The following PER3 variants were observed in gnomAD, a reference collection of about 807,000 sequenced individuals.
The protein encoded by PER3 is period circadian regulator 3, also known as period circadian protein homolog 3.
A neutral mutation model predicts 127.2 loss-of-function variants in PER3; 107 were observed. The ratio of observed to expected loss-of-function variants is 0.84; its 90% CI spans 0.72 to 0.99. PER3 has a LOEUF of 0.99. Among genes scored for constraint, PER3 ranks in the 50% least tolerant of loss-of-function variants. PER3 has a pLI of 0.00. For missense variants in PER3, 1,560 were observed against 1,525.8 expected (o/e 1.02, Z -0.37); for synonymous variants, 618 against 585.8 (o/e 1.05, Z -0.79).
chr1:7,809,857 C>A (rs1451449808), intron 11 of PER3, 36 bp from the exon 12 acceptor site: 2 of 1,603,706 alleles, frequency 1.2e-6, no homozygotes, highest in South Asian at 1.1e-5. Context: ...TTTGAACAGC[C>A]AGCAATTCTG....
At chr1:7,785,792 T>C (rs959195558) in intron 3 of PER3, among the ~76,000 whole-genome samples, 2 of 152,238 alleles carry the variant, frequency 1.3e-5, no homozygotes, top group African/African-American at 4.8e-5. Flanking sequence ...TGTATAATAG[T>C]GTATAATACC....
In PER3 at chr1:7,816,554, TA is replaced by T. The variant is rs761935509; in HGVS notation, c.1523-2728del. Among the ~76,000 whole-genome samples the T allele has an allele frequency of 9.5e-4, 145 of 152,220 alleles. 1 individual carries two copies. The highest frequency in any genetic ancestry group is 4.3e-3 in the Admixed American group (66 of 15,286). On this transcript the variant is annotated intron_variant, in intron 13 of 21. Coordinates refer to ENST00000377532, the MANE Select transcript of PER3 (RefSeq NM_001377275.1). ...GAAACATTTTTCCAAAGAAGATACA[TA>T]AACAGTAAATAGCATATGAAAAGAT... is the stretch of plus-strand genomic sequence containing the variant.
At chr1:7,793,451 A>C (rs1355710706) in intron 5 of PER3, among the ~76,000 whole-genome samples, 4 of 152,244 alleles carry the variant, frequency 2.6e-5, no homozygotes. Flanking sequence ...CAATAAAGTC[A>C]TAAAACGATT....
Position 7,842,800 on chromosome 1 carries a change from C to G in PER3, c.*45C>G. 1 of 1,557,450 alleles carries G rather than the reference C, an allele frequency of 6.4e-7. No homozygotes were observed. The highest frequency in any genetic ancestry group is 8.8e-7 in the Non-Finnish European group (1 of 1,135,522). On this transcript the variant is annotated 3_prime_UTR_variant, in exon 22 of 22. Transcript: ENST00000377532. ...TTCATACCCTTTCCAAGACGTGTTACACAGACAGACCTTTTTAAGTCCTGG... is the reference window on the plus strand; with the variant it reads ...TTCATACCCTTTCCAAGACGTGTTAGACAGACAGACCTTTTTAAGTCCTGG...
intron 5 of PER3, among the ~76,000 whole-genome samples, chr1:7,792,689 C>T (rs539234473): frequency 6.6e-6 from 1 of 152,346 alleles, no homozygotes; most frequent in South Asian, 2.1e-4. Flanking sequence ...GCAATCCACT[C>T]AGCTGTTGTC....
chr1:7,835,909 C>G lies in PER3; in HGVS notation c.3362C>G (p.Pro1121Arg). ...ATCTGGAGAATGATACGGCAGACAC[C>G]TGAGCGCATTCTCATGACATACCAG... ...EPIWRMIRQT[P>R]ERILMTYQVP... Residue 1121 changes from proline to arginine, a missense_variant, in exon 20 of 22, where the codon CCT becomes CGT. By Grantham distance (103) the Pro-to-Arg change is moderately radical. Coordinates refer to ENST00000377532, the MANE Select transcript of PER3 (RefSeq NM_001377275.1). The G allele has an allele frequency of 1.9e-6, 3 of 1,611,344 alleles. No homozygotes were observed. The highest frequency in any genetic ancestry group is 2.5e-6 in the Non-Finnish European group (3 of 1,177,474).
intron 19 of PER3, 127 bp downstream of exon 19, chr1:7,830,288 CT>C: frequency 1.2e-6 from 1 of 808,588 alleles, no homozygotes; most frequent in Non-Finnish European, 1.9e-6. Context: ...TCCCTTTTTC[CT>C]TTTTGTCAGG....
At chr1:7,795,669 A>T (rs566694096) in intron 6 of PER3, among the ~76,000 whole-genome samples, 2 of 152,380 alleles carry the variant, frequency 1.3e-5, no homozygotes, top group South Asian at 4.1e-4. Flanking sequence ...GGATGGAAGA[A>T]GACGGGAAAG....
At chr1:7,828,404 A>G (rs1193414373) in intron 18 of PER3, among the ~76,000 whole-genome samples, 1 of 152,192 alleles carries the variant, frequency 6.6e-6, no homozygotes, top group Non-Finnish European at 1.5e-5. Flanking sequence ...CTAAAAAGCC[A>G]TTCTCAGGTT....
At chr1:7,804,936 G>A (rs566214629) in intron 10 of PER3, among the ~76,000 whole-genome samples, 6 of 150,254 alleles carry the variant, frequency 4.0e-5, no homozygotes, top group Non-Finnish European at 7.4e-5. Context: ...TGGCCTGATC[G>A]CGGCTCACTG....
chr1:7,826,623 A>G lies in PER3; in HGVS notation c.2101A>G (p.Lys701Glu). 2 of 1,613,672 alleles carry G rather than the reference A, an allele frequency of 1.2e-6. No homozygotes were observed. Among genetic ancestry groups the G allele is most frequent in the Non-Finnish European group, 8.5e-7 (1 of 1,179,590 alleles). ...TQKEEQNYVD[K>E]FREKILSSPY... ...GAAGGAAGAGCAGAATTATGTTGAT[A>G]AATTCCGAGAAAAGATCCTGTCATC... The change falls in exon 17 of 22, where the codon AAA becomes GAA. Residue 701 changes from lysine (K) to glutamate (E), a missense_variant. By Grantham distance (56) the Lys-to-Glu change is moderately conservative. Coordinates refer to ENST00000377532, the MANE Select transcript of PER3 (RefSeq NM_001377275.1). The surrounding 1 kb of genome is among the most constrained non-coding windows in gnomAD (Gnocchi z 4.2).
intron 13 of PER3, among the ~76,000 whole-genome samples, chr1:7,818,202 AG>A (rs755822564): frequency 2.0e-5 from 3 of 152,176 alleles, no homozygotes; most frequent in African/African-American, 4.8e-5. Flanking sequence ...TTCATTTCCT[AG>A]TTGGGGTCAT....
chr1:7,817,718 G>T (rs563440198), intron 13 of PER3, among the ~76,000 whole-genome samples: 1 of 152,116 alleles, frequency 6.6e-6, no homozygotes, highest in Non-Finnish European at 1.5e-5. Flanking sequence ...ATAGACACGG[G>T]TTAGTATATT....
At chr1:7,788,291 C>A in intron 5 of PER3, 45 bp downstream of exon 5, 1 of 1,293,132 alleles carries the variant, frequency 7.7e-7, no homozygotes, top group Non-Finnish European at 1.1e-6. Flanking sequence ...TCATCAAGAT[C>A]AGTTTCATTC....
chr1:7,803,821 T>C lies in PER3; in HGVS notation c.1109T>C (p.Phe370Ser). 3 of 1,613,968 alleles carry C rather than the reference T, an allele frequency of 1.9e-6. No homozygotes were observed. Among genetic ancestry groups the C allele is most frequent in the Non-Finnish European group, 2.5e-6 (3 of 1,179,924 alleles). ...AATCCCTGGAGCCGGAAGATTTCTT[T>C]CATCATTGGTCGGCATAAAGTTCGA... ...FVNPWSRKIS[F>S]IIGRHKVRTS... The change falls in exon 10 of 22, where the codon TTC becomes TCC. Residue 370 changes from phenylalanine to serine, a missense_variant. By Grantham distance (155) the Phe-to-Ser change is radical. Coordinates refer to ENST00000377532, the MANE Select transcript of PER3 (RefSeq NM_001377275.1).
At chr1:7,838,062 C>CAT (rs1558486840) in intron 21 of PER3, among the ~76,000 whole-genome samples, 1 of 150,996 alleles carries the variant, frequency 6.6e-6, no homozygotes, top group African/African-American at 2.4e-5. Context: ...ACAAATAATT[C>CAT]GTGTGTGTGT....
At chr1:7,821,188 A>G (rs1226606287) in intron 16 of PER3, among the ~76,000 whole-genome samples, 2 of 152,226 alleles carry the variant, frequency 1.3e-5, no homozygotes, top group Non-Finnish European at 2.9e-5. Context: ...TGACATTTTC[A>G]TCACTCATAA....
chr1:7,826,714 C>T lies in PER3; in HGVS notation c.2188+4C>T, dbSNP rs772208181. 1.8e-5 allele frequency: 28 copies of T among 1,554,296 alleles called. No individual in the cohort carries two copies. The highest frequency in any genetic ancestry group is 5.6e-5 in the South Asian group (5 of 89,696). On this transcript the variant is annotated splice_donor_region_variant and intron_variant, in intron 17 of 21. Coordinates refer to ENST00000377532, the MANE Select transcript of PER3 (RefSeq NM_001377275.1). The surrounding 1 kb of genome is among the most constrained non-coding windows in gnomAD (Gnocchi z 4.2). ...GCTAAATATTCATATTTTCAAGGTA[C>T]GTAATTTTTTAAAAATAAATGCCAT...
At position 7,784,936 on chromosome 1, in the gene PER3, G is replaced by T. The variant is rs771939250; in HGVS notation, c.59G>T (p.Gly20Val). The T allele has an allele frequency of 6.5e-7, 1 of 1,541,110 alleles. No homozygotes were observed. The highest frequency in any genetic ancestry group is 8.7e-7 in the Non-Finnish European group (1 of 1,155,646). ...GRRGAKDEAL[G>V]EESGERWSPE... ...CGGGGGGCTAAGGACGAGGCCCTGG[G>T]CGAAGAATCGGGGGAGCGGTGGAGC... Residue 20 changes from glycine to valine, a missense_variant, in exon 2 of 22, where the codon GGC (glycine) becomes GTC (valine). Gly to Val is a moderately radical substitution (Grantham distance 109). Coordinates refer to ENST00000377532, the MANE Select transcript of PER3 (RefSeq NM_001377275.1).
Sources: allele counts gnomAD v4.1 joint callset (sites outside exome capture counted in the v4.1 genomes callset), GRCh38; gene constraint gnomAD v4.1.1; non-coding constraint Gnocchi (gnomAD v3.1); transcripts MANE v1.5; gene names NCBI Gene and HGNC (gene_info 2026-07-23, HGNC 2026-07-21).